Variants in CCDC181 observed in about 807,000 individuals in gnomAD.
CCDC181 encodes the protein coiled-coil domain containing 181.
Under a neutral mutation model 58.7 loss-of-function variants are expected in CCDC181, and 35 were observed. The ratio of observed to expected loss-of-function variants is 0.60; its 90% CI spans 0.46 to 0.79. The LOEUF is 0.79. CCDC181 is among the 30% of genes least tolerant of loss of function. The probability of loss-of-function intolerance (pLI) is 0.00; values close to 1 mark genes in which losing one functional copy is unlikely to be tolerated. For synonymous variants in CCDC181, 183 were observed against 197.5 expected (o/e 0.93, Z 0.62); for missense variants, 517 against 583.9 (o/e 0.89, Z 1.18).
intron 2 of CCDC181, chr1:169,443,037 A>G (rs941180800): frequency 1.3e-5 from 2 of 151,752 alleles, no homozygotes; most frequent in African/African-American, 4.8e-5. Flanking sequence ...GATATATCAC[A>G]TATCTGGATA....
At chr1:169,416,278 G>A (rs1322247681) in intron 4 of CCDC181, among the ~76,000 whole-genome samples, 3 of 152,084 alleles carry the variant, frequency 2.0e-5, no homozygotes, top group African/African-American at 2.4e-5. Flanking sequence ...GCACTACACT[G>A]CTCTTCCTTC....
upstream of CCDC181, among the ~76,000 whole-genome samples, chr1:169,429,089 T>A (rs569555490): frequency 6.6e-6 from 1 of 152,316 alleles, no homozygotes; most frequent in African/African-American, 2.4e-5. Flanking sequence ...AGAATAATGA[T>A]GAAATAACCT....
rs772291600 is a variant in CCDC181 at position 169,419,062 on chromosome 1, T to C, written c.1166A>G (p.Glu389Gly). ...WLQKKREQVL[E>G]MRRIQRAKEI... is the part of the protein sequence containing the mutation. ...CTTTGCTCGCTGAATTCTCCTCATT[T>C]CTAAGACCTGCTCTCTTTTCTTTTG... The change falls in exon 4 of 6, where the codon GAA becomes GGA. Residue 389 changes from glutamate to glycine, a missense_variant. Physicochemically the swap from Glu to Gly is moderately conservative, Grantham distance 98. Transcript: ENST00000367806. 8.7e-6 allele frequency: 14 copies of C among 1,613,722 alleles called. No individual in the cohort carries two copies. In the African/African-American group the frequency reaches 1.6e-4, roughly 18 times the overall value.
Position 169,422,112 on chromosome 1 carries a change from A to G in CCDC181, c.319T>C (p.Ser107Pro), listed in dbSNP as rs774679660. 5 of 1,613,254 alleles carry G rather than the reference A, an allele frequency of 3.1e-6. No individual in the cohort carries two copies. The South Asian group carries it at 4.4e-5, about 14-fold the overall frequency. ...DSDSENSFQE[S>P]KLESQKDLEE... ...AAGTCTTTCTGGCTTTCTAGTTTGG[A>G]TTCCTGGAAAGAGTTTTCACTATCT... The change falls in exon 3 of 6, where the codon TCC (serine) becomes CCC (proline). Residue 107 changes from serine to proline, a missense_variant. Coordinates refer to ENST00000367806, the MANE Select transcript of CCDC181 (RefSeq NM_001300969.2).
intron 3 of CCDC181, among the ~76,000 whole-genome samples, chr1:169,420,080 C>T (rs1229059596): frequency 6.6e-6 from 1 of 152,150 alleles, no homozygotes; most frequent in East Asian, 1.9e-4. Flanking sequence ...TCCTTCACAC[C>T]AGTTAAAGAC....
intron 2 of CCDC181, among the ~76,000 whole-genome samples, chr1:169,445,140 G>A (rs973593118): frequency 2.0e-5 from 3 of 152,080 alleles, no homozygotes; most frequent in South Asian, 2.1e-4. Flanking sequence ...TGCCTGGAAC[G>A]ATCTTCTGCA....
At chr1:169,397,739 C>G (rs1213110886) in intron 4 of CCDC181, among the ~76,000 whole-genome samples, 1 of 151,996 alleles carries the variant, frequency 6.6e-6, no homozygotes, top group East Asian at 1.9e-4. Flanking sequence ...TTCGTGGTCC[C>G]TCAAAGTTCA....
Position 169,419,172 on chromosome 1 carries a change from T to C in CCDC181, c.1069-13A>G. On this transcript the variant is annotated splice_polypyrimidine_tract_variant and intron_variant, in intron 3 of 5. Coordinates refer to ENST00000367806, the MANE Select transcript of CCDC181 (RefSeq NM_001300969.2). Reference sequence around the variant, plus strand: ...TTCGTCGCTCTTCCTAGTAAAAGAATATGAAAAGACATTAATGGAAGATTA... The same window carrying C: ...TTCGTCGCTCTTCCTAGTAAAAGAACATGAAAAGACATTAATGGAAGATTA... 1.9e-6 allele frequency: 3 copies of C among 1,560,140 alleles called. No individual in the cohort carries two copies. Among genetic ancestry groups the C allele is most frequent in the Non-Finnish European group, 2.6e-6 (3 of 1,148,560 alleles).
chr1:169,441,739 T>C (rs141398077), intron 2 of CCDC181, among the ~76,000 whole-genome samples: 59 of 151,998 alleles, frequency 3.9e-4, no homozygotes, highest in African/African-American at 1.3e-3. Context: ...ATACTAGATA[T>C]CAATAGATGA....
upstream of CCDC181, among the ~76,000 whole-genome samples, chr1:169,431,222 G>C (rs763793858): frequency 3.9e-5 from 6 of 152,136 alleles, no homozygotes; most frequent in Admixed American, 6.5e-5. Flanking sequence ...TAATTTATCA[G>C]TTCTAGAATC....
At chr1:169,451,205 G>A (rs1226810000) in intron 2 of CCDC181, 1 of 151,864 alleles carries the variant, frequency 6.6e-6, no homozygotes, top group Non-Finnish European at 1.5e-5. Flanking sequence ...CCTCATATAT[G>A]AGTTCTGGAC....
intron 5 of CCDC181, among the ~76,000 whole-genome samples, chr1:169,395,499 T>C (rs1403112483): frequency 6.6e-6 from 1 of 152,248 alleles, no homozygotes. Context: ...GTAGATCCTA[T>C]TCTTTTTTTA....
At position 169,424,921 on chromosome 1, in the gene CCDC181, C is replaced by CA. The variant is rs760442951; in HGVS notation, c.6dup (p.Glu3Ter). 1 of 1,557,532 alleles carries CA rather than the reference C, an allele frequency of 6.4e-7. No individual in the cohort carries two copies. Among genetic ancestry groups the CA allele is most frequent in the Admixed American group, 1.7e-5 (1 of 58,490 alleles). Reference sequence around the variant, plus strand: ...TTCTTTGAATCAGTATCTTTATTTTCATTCATTTTCTGTTTGTGAAGGAAA... The same window carrying CA: ...TTCTTTGAATCAGTATCTTTATTTTCAATTCATTTTCTGTTTGTGAAGGAAA... On this transcript the variant is annotated frameshift_variant, in exon 2 of 6. Coordinates refer to ENST00000367806, the MANE Select transcript of CCDC181 (RefSeq NM_001300969.2). LOFTEE classifies it high-confidence loss of function.
chr1:169,413,889 G>A (rs1656096486), intron 4 of CCDC181, among the ~76,000 whole-genome samples: 1 of 152,034 alleles, frequency 6.6e-6, no homozygotes, highest in South Asian at 2.1e-4. Flanking sequence ...GGCTAGGGGA[G>A]GGATAGCATT....
intron 2 of CCDC181, among the ~76,000 whole-genome samples, chr1:169,451,535 A>G (rs1427960872): frequency 6.6e-6 from 1 of 152,222 alleles, no homozygotes; most frequent in East Asian, 1.9e-4. Flanking sequence ...GTTTTGACAA[A>G]GTGACAGCAA....
chr1:169,459,912 A>AAAAAC (rs1557885090), intron 1 of CCDC181: 14 of 67,250 alleles, frequency 2.1e-4, no homozygotes, highest in Admixed American at 7.9e-4. Flanking sequence ...TAGGAAAAAA[A>AAAAAC]AAAAAAAAAA....
rs564190342 is a variant in CCDC181, at chr1:169,445,627, A to G, written c.-24+14170T>C. Among the ~76,000 whole-genome samples the G allele has an allele frequency of 3.3e-5, 5 of 152,300 alleles. No individual in the cohort carries two copies. In the East Asian group the frequency reaches 9.7e-4, roughly 29 times the overall value. On this transcript the variant is annotated intron_variant, in intron 2 of 6. Coordinates refer to the CCDC181 transcript ENST00000545005. ...TCTTATAATGTCTGTTTTTGGCATT[A>G]GGATAATGATGTCCTTATAGAATGA...
At position 169,405,614 on chromosome 1, in the gene CCDC181, C is replaced by G. The variant is rs941332514; in HGVS notation, c.1216-8223G>C. On this transcript the variant is annotated intron_variant, in intron 4 of 5. Coordinates refer to ENST00000367806, the MANE Select transcript of CCDC181 (RefSeq NM_001300969.2). ...AAACTGGCTAGCCATATGTAGAAAG[C>G]TGAAACTGGATTCCTTCCTTACGCC... is the stretch of plus-strand genomic sequence containing the variant. Among the ~76,000 whole-genome samples, 5 of 152,274 alleles carry G rather than the reference C, an allele frequency of 3.3e-5. No homozygotes were observed. In the South Asian group the frequency reaches 8.3e-4, roughly 25 times the overall value.
Position 169,419,098 on chromosome 1 carries a change from T to C in CCDC181, c.1130A>G (p.Lys377Arg). The C allele has an allele frequency of 6.2e-7, 1 of 1,613,562 alleles. No individual in the cohort carries two copies. Among genetic ancestry groups the C allele is most frequent in the Non-Finnish European group, 8.5e-7 (1 of 1,179,930 alleles). ...EKKRENDIVF[K>R]AWLQKKREQV... is the part of the protein sequence containing the mutation. Reference sequence around the variant, plus strand: ...CTCTCTTTTCTTTTGCAACCACGCTTTAAATACTATGTCATTCTCTCTCTT... The same window carrying C: ...CTCTCTTTTCTTTTGCAACCACGCTCTAAATACTATGTCATTCTCTCTCTT... Residue 377 changes from lysine (K) to arginine (R), a missense_variant, in exon 4 of 6, where the codon AAA (lysine) becomes AGA (arginine). Physicochemically the swap from Lys to Arg is conservative, Grantham distance 26. Coordinates refer to ENST00000367806, the MANE Select transcript of CCDC181 (RefSeq NM_001300969.2).
Sources: gnomAD v4.1 joint callset for allele counts (sites outside exome capture counted in the v4.1 genomes callset) on GRCh38, gnomAD v4.1.1 for gene constraint, MANE v1.5 for transcripts, NCBI Gene and HGNC (gene_info 2026-07-23, HGNC 2026-07-21) for gene names.